The following CTTNBP2 variants were observed in gnomAD, a reference collection of about 807,000 sequenced individuals.
CTTNBP2 encodes cortactin-binding protein 2.
In CTTNBP2, 108 loss-of-function variants were observed where a neutral mutation model predicts 156.9. That is an observed-to-expected ratio of 0.69 (90% CI 0.59 to 0.81). The LOEUF (loss-of-function observed/expected upper bound fraction) is 0.81. Ranked by LOEUF, CTTNBP2 falls within the 30% of genes least tolerant of loss-of-function variation. CTTNBP2 has a pLI of 0.00. For synonymous variants in CTTNBP2, 767 were observed against 751.8 expected (o/e 1.02, Z -0.33); for missense variants, 1,924 against 2,035.4 (o/e 0.95, Z 1.05).
chr7:117,844,622 G>A (rs1259163006), intron 2 of CTTNBP2, among the ~76,000 whole-genome samples: 1 of 152,156 alleles, frequency 6.6e-6, no homozygotes, highest in Non-Finnish European at 1.5e-5. Context: ...GCTGCAATAG[G>A]GCAAAAGGAA....
chr7:117,825,466 T>C (rs778818025), intron 2 of CTTNBP2, among the ~76,000 whole-genome samples: 8 of 152,220 alleles, frequency 5.3e-5, no homozygotes, highest in East Asian at 1.9e-4. Context: ...GGGTAGGCAT[T>C]GGCTAGCTCT....
intron 3 of CTTNBP2, among the ~76,000 whole-genome samples, chr7:117,798,102 T>A (rs938536164): frequency 6.6e-6 from 1 of 152,088 alleles, no homozygotes; most frequent in Non-Finnish European, 1.5e-5. Context: ...ATGATGGCAA[T>A]GGTGATAATT....
At chr7:117,727,400 G>A (rs1795151046) in intron 17 of CTTNBP2, among the ~76,000 whole-genome samples, 2 of 151,920 alleles carry the variant, frequency 1.3e-5, no homozygotes, top group Admixed American at 1.3e-4. Context: ...TCACTACGTT[G>A]CCTGGGCTGA....
chr7:117,841,877 A>C (rs987872730), intron 2 of CTTNBP2, among the ~76,000 whole-genome samples: 1 of 152,226 alleles, frequency 6.6e-6, no homozygotes, highest in African/African-American at 2.4e-5. Context: ...AGTAACAACC[A>C]GAGGAAGTTG....
At chr7:117,715,478 A>AAAAAAAAAC (rs1794297908) in intron 22 of CTTNBP2, among the ~76,000 whole-genome samples, 1 of 147,790 alleles carries the variant, frequency 6.8e-6, no homozygotes, top group African/African-American at 2.5e-5. Flanking sequence ...CTGAAGTTAA[A>AAAAAAAAAC]AAAAAAAAAA....
chr7:117,759,796 C>T (rs1176943028), intron 10 of CTTNBP2, among the ~76,000 whole-genome samples: 1 of 152,140 alleles, frequency 6.6e-6, no homozygotes, highest in Non-Finnish European at 1.5e-5. Flanking sequence ...TGCAAAGGGG[C>T]AGATTTCCCA....
At chr7:117,790,149 A>C (rs759882967) in intron 4 of CTTNBP2, among the ~76,000 whole-genome samples, 2 of 152,186 alleles carry the variant, frequency 1.3e-5, no homozygotes, top group African/African-American at 2.4e-5. Context: ...CCATGGTAGG[A>C]GAGACTTCTT....
At chr7:117,844,665 T>G (rs1473014482) in intron 2 of CTTNBP2, among the ~76,000 whole-genome samples, 3 of 151,818 alleles carry the variant, frequency 2.0e-5, no homozygotes, top group Non-Finnish European at 4.4e-5. Context: ...GAAGGCAGGG[T>G]GGATTTGAGG....
chr7:117,870,833 G>T (rs1804544392), intron 1 of CTTNBP2, among the ~76,000 whole-genome samples: 1 of 152,232 alleles, frequency 6.6e-6, no homozygotes, highest in Non-Finnish European at 1.5e-5. Context: ...ATTGAATAAT[G>T]TAGCTGTTAC....
Position 117,828,906 on chromosome 7 carries a change from A to G in CTTNBP2, c.190-17917T>C, listed in dbSNP as rs1350967796. ...ATGTAAACATGTGTTACACATTATA[A>G]AACAGTGAAATGTAGTGTCTGCTCC... On this transcript the variant is annotated intron_variant, in intron 2 of 22. Coordinates refer to ENST00000160373, the MANE Select transcript of CTTNBP2 (RefSeq NM_033427.3). Among the ~76,000 whole-genome samples, 3 of 152,366 alleles carry G rather than the reference A, an allele frequency of 2.0e-5. No individual in the cohort carries two copies. In the East Asian group the frequency reaches 5.8e-4, roughly 29 times the overall value.
chr7:117,868,016 A>C (rs904083289), intron 1 of CTTNBP2, among the ~76,000 whole-genome samples: 2 of 152,192 alleles, frequency 1.3e-5, no homozygotes, highest in African/African-American at 4.8e-5. Flanking sequence ...AATTAAGCTC[A>C]GCTACCTCCC....
chr7:117,783,478 A>G (rs1213674168), intron 5 of CTTNBP2, among the ~76,000 whole-genome samples: 2 of 152,212 alleles, frequency 1.3e-5, no homozygotes, highest in African/African-American at 2.4e-5. Flanking sequence ...GCCCATCGAA[A>G]GTCACCTAAC....
rs1794063516 is a variant in CTTNBP2 at position 117,711,666 on chromosome 7, G to A, written c.4863C>T (p.Thr1621=). The A allele has an allele frequency of 3.7e-6, 6 of 1,613,966 alleles. No homozygotes were observed. Among genetic ancestry groups the A allele is most frequent in the Non-Finnish European group, 4.2e-6 (5 of 1,179,942 alleles). Residue 1621 remains threonine (T), a synonymous_variant, in exon 23 of 23, where the codon ACC becomes ACT. Transcript: ENST00000160373. ...SFLPVPRSKV[T]QCSQNTKRSS... ...TTCTTTTGGTGTTCTGGGAACACTGGGTGACTTTACTTCTAGGAACAGGAA... is the reference window on the plus strand; with the variant it reads ...TTCTTTTGGTGTTCTGGGAACACTGAGTGACTTTACTTCTAGGAACAGGAA...
At chr7:117,834,437 G>C (rs745476807) in intron 2 of CTTNBP2, among the ~76,000 whole-genome samples, 1 of 152,186 alleles carries the variant, frequency 6.6e-6, no homozygotes, top group Non-Finnish European at 1.5e-5. Context: ...GCAACAAACA[G>C]AGAAGACAAT....
At chr7:117,730,564 A>G (rs1795345469) in intron 16 of CTTNBP2, among the ~76,000 whole-genome samples, 2 of 152,240 alleles carry the variant, frequency 1.3e-5, no homozygotes, top group Non-Finnish European at 2.9e-5. Context: ...TAAAGGTTAC[A>G]GATTCAAATA....
chr7:117,782,791 TA>T, intron 6 of CTTNBP2, 70 bp downstream of exon 6: 1 of 1,017,706 alleles, frequency 9.8e-7, no homozygotes, highest in Non-Finnish European at 1.5e-6. Context: ...CAGCCGGAAC[TA>T]AAATACGTGT....
chr7:117,800,047 T>G (rs1045736062), intron 3 of CTTNBP2, among the ~76,000 whole-genome samples: 9 of 151,972 alleles, frequency 5.9e-5, no homozygotes, highest in Non-Finnish European at 8.8e-5. Context: ...TGGAAGACTC[T>G]ACTTTACTAA....
chr7:117,713,099 G>A lies in CTTNBP2; in HGVS notation c.4747-1317C>T, dbSNP rs554506415. On this transcript the variant is annotated intron_variant, in intron 22 of 22. Transcript: ENST00000160373. ...GGGGTCTAGGTTGCCCAGTCCTTGCGAGAATCTAATGCCTAAAGATCTGAG... is the reference window on the plus strand; with the variant it reads ...GGGGTCTAGGTTGCCCAGTCCTTGCAAGAATCTAATGCCTAAAGATCTGAG... Among the ~76,000 whole-genome samples the A allele has an allele frequency of 7.9e-5, 12 of 152,244 alleles. No individual in the cohort carries two copies. The South Asian group carries it at 2.5e-3, about 32-fold the overall frequency.
chr7:117,722,682 ATTAAG>A (rs1056029905), intron 19 of CTTNBP2, among the ~76,000 whole-genome samples: 1 of 152,136 alleles, frequency 6.6e-6, no homozygotes, highest in African/African-American at 2.4e-5. Context: ...TATACCAACA[ATTAAG>A]TTAGCTCAAA....
Sources: gnomAD v4.1 joint callset for allele counts (sites outside exome capture counted in the v4.1 genomes callset) on GRCh38, gnomAD v4.1.1 for gene constraint, MANE v1.5 for transcripts, NCBI Gene and HGNC (gene_info 2026-07-23, HGNC 2026-07-21) for gene names.